UNC5D: variants seen among roughly 807,000 people sequenced by gnomAD.
The protein encoded by UNC5D is unc-5 netrin receptor D, also known as netrin receptor UNC5D.
Under a neutral mutation model 105.4 loss-of-function variants are expected in UNC5D, and 39 were observed. The ratio of observed to expected loss-of-function variants is 0.37; its 90% CI spans 0.29 to 0.48. The LOEUF (loss-of-function observed/expected upper bound fraction) is 0.48. Ranked by LOEUF, UNC5D falls within the 20% of genes least tolerant of loss-of-function variation. UNC5D has a pLI of 0.98. For missense variants in UNC5D, 991 were observed against 1,202.4 expected (o/e 0.82, Z 2.60); for synonymous variants, 452 against 450.4 (o/e 1.00, Z -0.04).
chr8:35,284,558 T>G (rs1232693766), intron 1 of UNC5D, among the ~76,000 whole-genome samples: 2 of 152,040 alleles, frequency 1.3e-5, no homozygotes, highest in Non-Finnish European at 2.9e-5. Context: ...ATGTTTCTTT[T>G]CTTTTCTTTT....
chr8:35,485,855 T>A (rs947881732), intron 1 of UNC5D, among the ~76,000 whole-genome samples: 16 of 152,142 alleles, frequency 1.1e-4, no homozygotes, highest in Non-Finnish European at 1.3e-4. Flanking sequence ...CTAGGGGAGA[T>A]GATCGAAGAA....
At chr8:35,588,916 G>A (rs1183770243) in intron 3 of UNC5D, among the ~76,000 whole-genome samples, 3 of 152,062 alleles carry the variant, frequency 2.0e-5, no homozygotes, top group Admixed American at 6.5e-5. Flanking sequence ...GGTGGCACAC[G>A]CTTGTAATCC....
intron 4 of UNC5D, among the ~76,000 whole-genome samples, chr8:35,671,574 T>C (rs1345225886): frequency 2.0e-5 from 3 of 152,234 alleles, no homozygotes; most frequent in Non-Finnish European, 4.4e-5. Context: ...GCGATGTGAA[T>C]TCCTGTCTAA....
intron 9 of UNC5D, among the ~76,000 whole-genome samples, chr8:35,723,824 T>C (rs1326490276): frequency 6.6e-6 from 1 of 152,118 alleles, no homozygotes; most frequent in Non-Finnish European, 1.5e-5. Context: ...TGAGAGACAG[T>C]TTTGTGCATA....
intron 7 of UNC5D, among the ~76,000 whole-genome samples, chr8:35,701,364 C>T (rs1378139816): frequency 2.6e-5 from 4 of 152,274 alleles, no homozygotes; most frequent in African/African-American, 9.6e-5. Flanking sequence ...GGAGATGAAC[C>T]CTTCTGTCCA....
intron 1 of UNC5D, among the ~76,000 whole-genome samples, chr8:35,436,067 T>C (rs759886020): frequency 3.3e-5 from 5 of 152,070 alleles, no homozygotes; most frequent in Non-Finnish European, 5.9e-5. Flanking sequence ...ATTTGGAGTA[T>C]CAGAAAAATA....
chr8:35,326,905 T>C (rs909063802), intron 1 of UNC5D, among the ~76,000 whole-genome samples: 9 of 152,122 alleles, frequency 5.9e-5, no homozygotes, highest in Admixed American at 2.0e-4. Flanking sequence ...CAAATACATA[T>C]GTGTATTGGA....
intron 15 of UNC5D, among the ~76,000 whole-genome samples, chr8:35,770,681 T>G (rs2131726506): frequency 6.6e-6 from 1 of 152,336 alleles, no homozygotes; most frequent in East Asian, 1.9e-4. Context: ...AATTCCCAAG[T>G]AATTTATTTC....
intron 13 of UNC5D, among the ~76,000 whole-genome samples, chr8:35,754,107 C>A (rs778202980): frequency 1.1e-4 from 16 of 152,160 alleles, no homozygotes; most frequent in Non-Finnish European, 2.4e-4. Flanking sequence ...AAAGCCTTAA[C>A]AACAGTTCCC....
chr8:35,663,362 A>T (rs535721106), intron 4 of UNC5D, among the ~76,000 whole-genome samples: 6 of 152,324 alleles, frequency 3.9e-5, no homozygotes, highest in African/African-American at 1.2e-4. Flanking sequence ...CTAGAAAAAG[A>T]TTCGAACAGC....
intron 1 of UNC5D, among the ~76,000 whole-genome samples, chr8:35,381,167 T>G (rs1803023115): frequency 6.6e-6 from 1 of 152,128 alleles, no homozygotes; most frequent in African/African-American, 2.4e-5. Flanking sequence ...GCATTAAAAA[T>G]CAGCTTCCTA....
chr8:35,720,262 A>C (rs1427049850), intron 8 of UNC5D, among the ~76,000 whole-genome samples: 1 of 152,156 alleles, frequency 6.6e-6, no homozygotes, highest in Non-Finnish European at 1.5e-5. Flanking sequence ...TAGTACCTGG[A>C]AAACTGAGGA....
At chr8:35,557,076 C>T (rs1816605382) in intron 2 of UNC5D, among the ~76,000 whole-genome samples, 1 of 152,188 alleles carries the variant, frequency 6.6e-6, no homozygotes. Context: ...TGTTGCCCAC[C>T]ATGTTGTGAG....
chr8:35,470,713 G>A (rs932148096), intron 1 of UNC5D, among the ~76,000 whole-genome samples: 2 of 151,256 alleles, frequency 1.3e-5, no homozygotes, highest in Non-Finnish European at 2.9e-5. Flanking sequence ...AGGCTGCAGT[G>A]AGCTGAGATC....
intron 15 of UNC5D, among the ~76,000 whole-genome samples, chr8:35,769,059 G>A (rs1801896575): frequency 6.6e-6 from 1 of 152,142 alleles, no homozygotes; most frequent in South Asian, 2.1e-4. Context: ...TTCTGTGTCA[G>A]AAGATGACTA....
chr8:35,334,670 GC>G, intron 1 of UNC5D, among the ~76,000 whole-genome samples: 1 of 152,058 alleles, frequency 6.6e-6, no homozygotes, highest in African/African-American at 2.4e-5. Flanking sequence ...ATGCCACCAT[GC>G]CCGGCTAATT....
intron 7 of UNC5D, among the ~76,000 whole-genome samples, chr8:35,700,607 C>A (rs1358770054): frequency 6.6e-6 from 1 of 152,148 alleles, no homozygotes; most frequent in Non-Finnish European, 1.5e-5. Context: ...GGAAACTTTT[C>A]TGTAAGAACC....
chr8:35,661,004 G>A (rs1011691329), intron 4 of UNC5D, among the ~76,000 whole-genome samples: 7 of 152,026 alleles, frequency 4.6e-5, no homozygotes, highest in African/African-American at 1.7e-4. Flanking sequence ...AGGCTGAGGT[G>A]GGAGGATAGC....
At chr8:35,537,844 G>A (rs534469221) in intron 1 of UNC5D, among the ~76,000 whole-genome samples, 2 of 151,816 alleles carry the variant, frequency 1.3e-5, no homozygotes, top group South Asian at 4.2e-4. Context: ...GATGGTCACA[G>A]GATTTTTTCA....
Sources: gnomAD v4.1 joint callset for allele counts (sites outside exome capture counted in the v4.1 genomes callset) on GRCh38, gnomAD v4.1.1 for gene constraint, MANE v1.5 for transcripts, NCBI Gene and HGNC (gene_info 2026-07-23, HGNC 2026-07-21) for gene names.